The following ESRRG variants were observed in gnomAD, a reference collection of about 807,000 sequenced individuals.
ESRRG encodes estrogen-related receptor gamma.
A neutral mutation model predicts 44.0 loss-of-function variants in ESRRG; 13 were observed. The ratio of observed to expected loss-of-function variants is 0.30; its 90% CI spans 0.19 to 0.47. The LOEUF (loss-of-function observed/expected upper bound fraction) is 0.47, where lower values mean the gene tolerates loss of function less well. Ranked by LOEUF, ESRRG falls within the 20% of genes least tolerant of loss-of-function variation. The pLI, the probability that ESRRG is intolerant of heterozygous loss-of-function variation, is 1.00. For missense variants in ESRRG, 395 were observed against 580.6 expected, an observed-to-expected ratio of 0.68 and a Z score of 3.29; for synonymous variants, 215 against 214.6, an observed-to-expected ratio of 1.00 and a Z score of -0.02.
chr1:216,932,287 CA>C (rs916475277), intron 2 of ESRRG, among the ~76,000 whole-genome samples: 1 of 151,246 alleles, frequency 6.6e-6, no homozygotes, highest in African/African-American at 2.4e-5. Context: ...TGTTAGTACA[CA>C]AGAAGTTTCA....
At chr1:216,524,876 AGAG>A (rs2047159420) in intron 5 of ESRRG, among the ~76,000 whole-genome samples, 1 of 152,190 alleles carries the variant, frequency 6.6e-6, no homozygotes, top group Non-Finnish European at 1.5e-5. Context: ...GAACTAAAAG[AGAG>A]GAGAACAGAA....
In ESRRG at chr1:216,943,859, C is replaced by T. The variant is rs138730603; in HGVS notation, c.-105-4186G>A. Among the ~76,000 whole-genome samples, 10 of 152,124 alleles carry T rather than the reference C, an allele frequency of 6.6e-5. No individual in the cohort carries two copies. In the South Asian group the frequency reaches 1.7e-3, roughly 25 times the overall value. On this transcript the variant is annotated intron_variant, in intron 1 of 7. Transcript: ENST00000359162. ...TTTTTTTTCAGGATTTCAATAAAGG[C>T]AATCAGGCAGGATTATCTTGGGCAG... is the stretch of plus-strand genomic sequence containing the variant.
At position 217,108,614 on chromosome 1, in the gene ESRRG, C is replaced by A. The variant is rs1035368691; in HGVS notation, c.-230+29053G>T. ...TGTCTTGGTGATAGTTCTCACAAGA[C>A]TGGGTCGTTTAAAAGTGTGTGGCGC... On this transcript the variant is annotated intron_variant, in intron 1 of 8. Coordinates refer to the ESRRG transcript ENST00000366940. 5.3e-5 allele frequency among the ~76,000 whole-genome samples: 8 copies of A among 151,974 alleles called. No individual in the cohort carries two copies. The South Asian group carries it at 1.7e-3, about 32-fold the overall frequency.
chr1:216,942,013 C>T (rs1273453910), intron 1 of ESRRG, among the ~76,000 whole-genome samples: 1 of 152,046 alleles, frequency 6.6e-6, no homozygotes, highest in Non-Finnish European at 1.5e-5. Context: ...ATCCTGTCAC[C>T]CAAACAGTGA....
intron 2 of ESRRG, among the ~76,000 whole-genome samples, chr1:216,872,955 C>T (rs1352662532): frequency 1.3e-5 from 2 of 152,092 alleles, no homozygotes; most frequent in Admixed American, 1.3e-4. Context: ...TTTTGTTTTA[C>T]CAACCAATCA....
At chr1:216,521,705 T>C (rs1004414521) in intron 5 of ESRRG, among the ~76,000 whole-genome samples, 4 of 152,112 alleles carry the variant, frequency 2.6e-5, no homozygotes, top group African/African-American at 9.7e-5. Flanking sequence ...GCAGGATGAT[T>C]AGTTTATTGA....
intron 1 of ESRRG, among the ~76,000 whole-genome samples, chr1:216,961,564 T>TTA (rs2069070424): frequency 6.7e-6 from 1 of 148,558 alleles, no homozygotes; most frequent in African/African-American, 2.4e-5. Context: ...TACTCTTATT[T>TTA]TTTTTTTTTT....
At chr1:217,132,377 T>C (rs1293427087) in intron 1 of ESRRG, among the ~76,000 whole-genome samples, 1 of 152,126 alleles carries the variant, frequency 6.6e-6, no homozygotes, top group East Asian at 1.9e-4. Flanking sequence ...GCCATTTTAG[T>C]ACCCAGATGA....
At chr1:216,854,862 C>A (rs1300942970) in intron 2 of ESRRG, among the ~76,000 whole-genome samples, 1 of 152,086 alleles carries the variant, frequency 6.6e-6, no homozygotes, top group East Asian at 1.9e-4. Context: ...CTGAGGTAAG[C>A]AAGCACTTAC....
intron 3 of ESRRG, among the ~76,000 whole-genome samples, chr1:216,584,172 C>G (rs2063318202): frequency 6.6e-6 from 1 of 152,040 alleles, no homozygotes; most frequent in African/African-American, 2.4e-5. Flanking sequence ...ACATATAGGG[C>G]TTATAAGATC....
chr1:217,047,520 C>T (rs956549000), intron 1 of ESRRG, among the ~76,000 whole-genome samples: 1 of 152,156 alleles, frequency 6.6e-6, no homozygotes. Context: ...TCCCCATTGT[C>T]ATCACTCAAG....
chr1:216,589,140 C>T lies in ESRRG; in HGVS notation c.590-21042G>A, dbSNP rs189234722. Reference sequence around the variant, plus strand: ...TTTGAGAAATTCAAGATGTATTGCACGGACCTCAAAACTGAAATTCAGGTA... The same window carrying T: ...TTTGAGAAATTCAAGATGTATTGCATGGACCTCAAAACTGAAATTCAGGTA... On this transcript the variant is annotated intron_variant, in intron 3 of 6. Coordinates refer to ENST00000408911, the MANE Select transcript of ESRRG (RefSeq NM_001438.4). Among the ~76,000 whole-genome samples the T allele has an allele frequency of 3.3e-4, 50 of 152,252 alleles. No homozygotes were observed. In the Middle Eastern group the frequency reaches 0.01, roughly 31 times the overall value.
At chr1:216,892,983 A>C (rs1427501720) in intron 2 of ESRRG, among the ~76,000 whole-genome samples, 1 of 152,114 alleles carries the variant, frequency 6.6e-6, no homozygotes, top group Non-Finnish European at 1.5e-5. Context: ...TTCTGCCCAC[A>C]AGAATAAAGT....
chr1:216,963,423 A>G (rs190838616), intron 1 of ESRRG, among the ~76,000 whole-genome samples: 46 of 152,224 alleles, frequency 3.0e-4, no homozygotes, highest in African/African-American at 9.1e-4. Flanking sequence ...TTGGGCTCAA[A>G]GTTAATACAA....
At chr1:216,913,549 G>A (rs1054951885) in intron 2 of ESRRG, among the ~76,000 whole-genome samples, 1 of 152,196 alleles carries the variant, frequency 6.6e-6, no homozygotes, top group Admixed American at 6.5e-5. Flanking sequence ...CATAATCAGT[G>A]GATTGTGGCT....
chr1:216,651,607 A>T (rs1292964349), intron 2 of ESRRG, among the ~76,000 whole-genome samples: 1 of 152,138 alleles, frequency 6.6e-6, no homozygotes, highest in Non-Finnish European at 1.5e-5. Context: ...GACAGAAATT[A>T]CATAGTTGTT....
chr1:217,017,312 T>C (rs2079545308), intron 1 of ESRRG, among the ~76,000 whole-genome samples: 1 of 152,034 alleles, frequency 6.6e-6, no homozygotes, highest in African/African-American at 2.4e-5. Flanking sequence ...AAACCTAATA[T>C]AATAAAAATA....
At chr1:216,877,360 G>A (rs1480060265) in intron 2 of ESRRG, among the ~76,000 whole-genome samples, 1 of 133,332 alleles carries the variant, frequency 7.5e-6, no homozygotes, top group Non-Finnish European at 1.5e-5. Flanking sequence ...AGTATGCAAT[G>A]CTTTTTTATA....
intron 1 of ESRRG, among the ~76,000 whole-genome samples, chr1:217,056,335 T>C (rs975706646): frequency 6.6e-6 from 1 of 152,174 alleles, no homozygotes; most frequent in African/African-American, 2.4e-5. Flanking sequence ...ATTTTACTTA[T>C]TGTCTTTGTG....
Sources: gnomAD v4.1 joint callset for allele counts (sites outside exome capture counted in the v4.1 genomes callset) on GRCh38, gnomAD v4.1.1 for gene constraint, MANE v1.5 for transcripts, NCBI Gene and HGNC (gene_info 2026-07-23, HGNC 2026-07-21) for gene names.